Variants in KLF12 observed in about 807,000 individuals in gnomAD.
The protein encoded by KLF12 is Krueppel-like factor 12.
A neutral mutation model predicts 37.8 loss-of-function variants in KLF12; 9 were observed. The ratio of observed to expected loss-of-function variants is 0.24; its 90% CI spans 0.14 to 0.42. The LOEUF (loss-of-function observed/expected upper bound fraction) is 0.42. Among genes scored for constraint, KLF12 ranks in the 10% least tolerant of loss-of-function variants. KLF12 has a pLI of 1.00. For synonymous variants in KLF12, 208 were observed against 202.1 expected, an observed-to-expected ratio of 1.03 and a Z score of -0.25; for missense variants, 411 against 516.0, an observed-to-expected ratio of 0.80 and a Z score of 1.97.
At chr13:73,948,379 G>A (rs1890521593) in intron 2 of KLF12, among the ~76,000 whole-genome samples, 1 of 152,192 alleles carries the variant, frequency 6.6e-6, no homozygotes, top group Non-Finnish European at 1.5e-5. Context: ...GCGCCACCAC[G>A]CCTAATTTTT....
intron 7 of KLF12, among the ~76,000 whole-genome samples, chr13:73,703,344 G>A (rs1874695742): frequency 6.6e-6 from 1 of 152,048 alleles, no homozygotes; most frequent in Admixed American, 6.6e-5. Context: ...TAGTTTTGGG[G>A]TAAGCAGATG....
chr13:73,841,959 C>T (rs1018833985), intron 4 of KLF12, among the ~76,000 whole-genome samples: 3 of 152,098 alleles, frequency 2.0e-5, no homozygotes, highest in African/African-American at 7.2e-5. Flanking sequence ...TTCTTCATAT[C>T]ACATATTATA....
At chr13:74,174,163 A>T in the KLF12 span, among the ~76,000 whole-genome samples, 1 of 152,136 alleles carries the variant, frequency 6.6e-6, no homozygotes, top group African/African-American at 2.4e-5. Context: ...AATACCCATA[A>T]TCCAATCTTT....
chr13:74,213,151 T>G, the KLF12 span, among the ~76,000 whole-genome samples: 1 of 152,214 alleles, frequency 6.6e-6, no homozygotes, highest in South Asian at 2.1e-4. Context: ...TATATTACTT[T>G]TTAGTAGTAT....
chr13:74,056,577 T>G (rs1284918231), intron 1 of KLF12, among the ~76,000 whole-genome samples: 1 of 152,202 alleles, frequency 6.6e-6, no homozygotes, highest in Admixed American at 6.5e-5. Flanking sequence ...GTAAAACTTA[T>G]CTAAGTATTT....
At chr13:73,751,352 CCCA>C (rs1226958262) in intron 6 of KLF12, among the ~76,000 whole-genome samples, 4 of 152,166 alleles carry the variant, frequency 2.6e-5, no homozygotes, top group African/African-American at 9.7e-5. Flanking sequence ...AATTTACATT[CCCA>C]CCAACAGTGT....
chr13:73,781,006 G>GCAAC (rs1566363536), intron 5 of KLF12, among the ~76,000 whole-genome samples: 1 of 152,188 alleles, frequency 6.6e-6, no homozygotes, highest in African/African-American at 2.4e-5. Context: ...CATGGACGCA[G>GCAAC]CAACCCTCAC....
chr13:73,738,126 C>CACACACATATATGTATGTGT (rs1877653004), intron 6 of KLF12, among the ~76,000 whole-genome samples: 2 of 56,416 alleles, frequency 3.5e-5, no homozygotes, highest in Admixed American at 2.1e-4. Context: ...TATATATATA[C>CACACACATATATGTATGTGT]ACACACACAC....
At chr13:74,047,160 G>A (rs955091219) in intron 1 of KLF12, among the ~76,000 whole-genome samples, 1 of 152,068 alleles carries the variant, frequency 6.6e-6, no homozygotes, top group South Asian at 2.1e-4. Flanking sequence ...CTTGGGTAAG[G>A]ATGTCCCCTC....
intron 4 of KLF12, among the ~76,000 whole-genome samples, chr13:73,827,864 C>T (rs1030570868): frequency 3.3e-5 from 5 of 151,664 alleles, no homozygotes; most frequent in Non-Finnish European, 7.4e-5. Flanking sequence ...TGTCCGGGCC[C>T]ATCCAGAATT....
intron 5 of KLF12, among the ~76,000 whole-genome samples, chr13:73,789,673 C>T (rs1043124204): frequency 7.1e-6 from 1 of 141,744 alleles, no homozygotes; most frequent in Non-Finnish European, 1.5e-5. Context: ...TATCTCTAAT[C>T]TTTTTTTTTT....
chr13:74,057,798 T>A (rs143835478), intron 1 of KLF12, among the ~76,000 whole-genome samples: 27 of 151,342 alleles, frequency 1.8e-4, no homozygotes, highest in Non-Finnish European at 2.9e-4. Context: ...TGAGGAAAAA[T>A]AAGGGAATGG....
chr13:74,243,071 G>C, the KLF12 span, among the ~76,000 whole-genome samples: 1 of 152,098 alleles, frequency 6.6e-6, no homozygotes, highest in Admixed American at 6.5e-5. Flanking sequence ...AGCCCTGTAG[G>C]CATTAGATAT....
chr13:73,854,614 C>CAGG (rs1045055588), intron 3 of KLF12, among the ~76,000 whole-genome samples: 2 of 152,138 alleles, frequency 1.3e-5, no homozygotes, highest in Non-Finnish European at 2.9e-5. Flanking sequence ...TGGTAGTATC[C>CAGG]ATGGGGGATT....
At chr13:73,819,766 A>T (rs1009450711) in intron 4 of KLF12, among the ~76,000 whole-genome samples, 26 of 152,350 alleles carry the variant, frequency 1.7e-4, no homozygotes, top group African/African-American at 6.3e-4. Flanking sequence ...TGGCCAGGAA[A>T]GGCCACATGG....
intron 6 of KLF12, among the ~76,000 whole-genome samples, chr13:73,724,765 A>C (rs1256772450): frequency 6.6e-6 from 1 of 152,202 alleles, no homozygotes; most frequent in Non-Finnish European, 1.5e-5. Context: ...GATTAGACTA[A>C]TTACTGCTCG....
chr13:74,306,011 G>A, the KLF12 span, among the ~76,000 whole-genome samples: 1 of 152,090 alleles, frequency 6.6e-6, no homozygotes, highest in African/African-American at 2.4e-5. Context: ...TCTCAGGCAT[G>A]ATACCCGGTG....
chr13:73,703,480 A>G (rs1190027964), intron 7 of KLF12, among the ~76,000 whole-genome samples: 2 of 152,186 alleles, frequency 1.3e-5, no homozygotes, highest in Non-Finnish European at 2.9e-5. Context: ...TCAATATGCC[A>G]GTCTCCATCC....
At chr13:73,751,154 T>C (rs994344869) in intron 6 of KLF12, among the ~76,000 whole-genome samples, 1 of 152,186 alleles carries the variant, frequency 6.6e-6, no homozygotes, top group Non-Finnish European at 1.5e-5. Context: ...GATAGACACT[T>C]AGGTTGATTC....
Sources: gnomAD v4.1 joint callset for allele counts (sites outside exome capture counted in the v4.1 genomes callset) on GRCh38, gnomAD v4.1.1 for gene constraint, MANE v1.5 for transcripts, NCBI Gene and HGNC (gene_info 2026-07-23, HGNC 2026-07-21) for gene names.